LARGE1: variants seen among roughly 807,000 people sequenced by gnomAD.
LARGE1 encodes xylosyl- and glucuronyltransferase LARGE1.
In LARGE1, 43 loss-of-function variants were observed where a neutral mutation model predicts 87.6. That is an observed-to-expected ratio of 0.49 (90% CI 0.38 to 0.63). The LOEUF (loss-of-function observed/expected upper bound fraction) is 0.63, where lower values mean the gene tolerates loss of function less well. LARGE1 is among the 30% of genes least tolerant of loss of function. The pLI is 0.00. For missense variants in LARGE1, 802 were observed against 1,000.2 expected, an observed-to-expected ratio of 0.80 and a Z score of 2.67; for synonymous variants, 434 against 394.6, an observed-to-expected ratio of 1.10 and a Z score of -1.18.
At chr22:33,301,915 T>G (rs1310112267) in intron 12 of LARGE1, among the ~76,000 whole-genome samples, 8 of 152,198 alleles carry the variant, frequency 5.3e-5, no homozygotes, top group Admixed American at 5.2e-4. Context: ...TACGTATTGC[T>G]TTTTAAAACA....
chr22:33,895,772 T>A (rs937395171), intron 1 of LARGE1, among the ~76,000 whole-genome samples: 11 of 152,170 alleles, frequency 7.2e-5, no homozygotes, highest in African/African-American at 2.4e-4. Flanking sequence ...AGAAGTGACA[T>A]CCTTCGCCTC....
Position 33,408,125 on chromosome 22 carries a change from C to T in LARGE1, c.893-23821G>A, listed in dbSNP as rs186112180. ...CCTCCTAAGTAGCTGGGATTACAGGCGTGCAACACCACGCCCAGCTAATTT... is the reference window on the plus strand; with the variant it reads ...CCTCCTAAGTAGCTGGGATTACAGGTGTGCAACACCACGCCCAGCTAATTT... On this transcript the variant is annotated intron_variant, in intron 7 of 14. Transcript: ENST00000397394. Among the ~76,000 whole-genome samples the T allele has an allele frequency of 4.9e-3, 746 of 151,990 alleles. 6 individuals carry two copies. Among genetic ancestry groups the T allele is most frequent in the African/African-American group, 5.4e-3 (222 of 41,462 alleles).
At chr22:33,654,497 C>T (rs1342413587) in intron 2 of LARGE1, among the ~76,000 whole-genome samples, 1 of 152,220 alleles carries the variant, frequency 6.6e-6, no homozygotes, top group Admixed American at 6.5e-5. Flanking sequence ...GCCAGATTCA[C>T]AGCTCATTCT....
chr22:33,637,532 A>G (rs1010505650), intron 3 of LARGE1, among the ~76,000 whole-genome samples: 5 of 152,108 alleles, frequency 3.3e-5, no homozygotes, highest in African/African-American at 4.8e-5. Flanking sequence ...TGTATGACCA[A>G]TGGAATTCAG....
intron 2 of LARGE1, among the ~76,000 whole-genome samples, chr22:33,713,967 ATAACGTAACATAACG>A (rs1463377242): frequency 8.4e-4 from 93 of 110,414 alleles, no homozygotes; most frequent in African/African-American, 2.9e-3. Flanking sequence ...GAAAAAGTAA[ATAACGTAACATAACG>A]TAACATAACA....
chr22:33,554,987 C>T (rs548583443), intron 6 of LARGE1, among the ~76,000 whole-genome samples: 4 of 152,304 alleles, frequency 2.6e-5, no homozygotes, highest in Admixed American at 2.0e-4. Flanking sequence ...GCCCACCACA[C>T]CCATGGGTTC....
At chr22:33,871,477 T>A (rs570055815) in intron 1 of LARGE1, among the ~76,000 whole-genome samples, 1 of 152,254 alleles carries the variant, frequency 6.6e-6, no homozygotes, top group South Asian at 2.1e-4. Context: ...TATATCCAGG[T>A]AAGTACCAGG....
intron 11 of LARGE1, among the ~76,000 whole-genome samples, chr22:33,185,330 G>A (rs771799580): frequency 1.1e-4 from 17 of 152,112 alleles, no homozygotes; most frequent in Non-Finnish European, 2.5e-4. Context: ...TGATTCCAAC[G>A]ATATGGCATT....
At chr22:33,477,700 A>G (rs2069138605) in intron 6 of LARGE1, among the ~76,000 whole-genome samples, 1 of 152,192 alleles carries the variant, frequency 6.6e-6, no homozygotes, top group Admixed American at 6.5e-5. Context: ...AATGGGTTAG[A>G]ACCAGTATGG....
chr22:33,637,112 C>G (rs1397196987), intron 3 of LARGE1, among the ~76,000 whole-genome samples: 2 of 152,032 alleles, frequency 1.3e-5, no homozygotes, highest in African/African-American at 4.8e-5. Context: ...TCAAGGTGCC[C>G]AATTCCCTCT....
chr22:33,842,392 G>C (rs1222953130), intron 1 of LARGE1, among the ~76,000 whole-genome samples: 1 of 150,554 alleles, frequency 6.6e-6, no homozygotes, highest in African/African-American at 2.5e-5. Context: ...TGGCTTAGAG[G>C]GGAAATAACA....
intron 11 of LARGE1, among the ~76,000 whole-genome samples, chr22:33,308,308 A>G (rs1435390857): frequency 6.6e-6 from 1 of 152,110 alleles, no homozygotes; most frequent in African/African-American, 2.4e-5. Flanking sequence ...GGACCATTCT[A>G]ATCTGGTGCA....
chr22:33,189,518 G>A (rs1382507649), intron 11 of LARGE1, among the ~76,000 whole-genome samples: 27 of 151,950 alleles, frequency 1.8e-4, no homozygotes, highest in Admixed American at 1.6e-3. Flanking sequence ...TTTTTATTGC[G>A]CTGCTTTCTA....
chr22:33,619,911 C>T (rs185036156), intron 4 of LARGE1, among the ~76,000 whole-genome samples: 44 of 152,294 alleles, frequency 2.9e-4, no homozygotes, highest in Middle Eastern at 3.4e-3. Context: ...ATATTCAAAA[C>T]GGGGCTCTAA....
chr22:33,511,185 A>G (rs1253530365), intron 6 of LARGE1, among the ~76,000 whole-genome samples: 1 of 152,200 alleles, frequency 6.6e-6, no homozygotes, highest in Non-Finnish European at 1.5e-5. Flanking sequence ...CTTCACACGC[A>G]GCTTTTACTG....
intron 6 of LARGE1, among the ~76,000 whole-genome samples, chr22:33,502,174 T>C (rs1342721421): frequency 6.9e-6 from 1 of 144,310 alleles, no homozygotes; most frequent in Admixed American, 7.1e-5. Context: ...CCAGCCTGGA[T>C]GGCAGAGTGA....
At chr22:33,248,559 C>G (rs532897099) in intron 11 of LARGE1, among the ~76,000 whole-genome samples, 1 of 152,298 alleles carries the variant, frequency 6.6e-6, no homozygotes, top group South Asian at 2.1e-4. Flanking sequence ...GATGAACCAA[C>G]ATTAACGTGT....
chr22:33,479,262 G>C (rs1443453037), intron 6 of LARGE1, among the ~76,000 whole-genome samples: 1 of 152,184 alleles, frequency 6.6e-6, no homozygotes, highest in Non-Finnish European at 1.5e-5. Context: ...TGCTCTTTCA[G>C]AACAGGAACA....
At chr22:33,846,954 G>GCCTTGTGATATTCTATTA (rs2063451826) in intron 1 of LARGE1, among the ~76,000 whole-genome samples, 2 of 152,104 alleles carry the variant, frequency 1.3e-5, no homozygotes, top group African/African-American at 4.8e-5. Context: ...GCCTCCACTT[G>GCCTTGTGATATTCTATTA]CCTTGTGATA....
Sources: gnomAD v4.1 joint callset for allele counts (sites outside exome capture counted in the v4.1 genomes callset) on GRCh38, gnomAD v4.1.1 for gene constraint, MANE v1.5 for transcripts, NCBI Gene and HGNC (gene_info 2026-07-23, HGNC 2026-07-21) for gene names.